The following EYS variants were observed in gnomAD, a reference collection of about 807,000 sequenced individuals.
The protein encoded by EYS is EGF-like photoreceptor maintenance factor.
In EYS, 250 loss-of-function variants were observed where a neutral mutation model predicts 282.1. The observed-to-expected ratio is 0.89, with a 90% CI of 0.80 to 0.98. The LOEUF is 0.98. Ranked by LOEUF, EYS falls within the 50% of genes least tolerant of loss-of-function variation. EYS has a pLI of 0.00. For synonymous variants in EYS, 1,355 were observed against 1,282.9 expected (o/e 1.06, Z -1.20); for missense variants, 4,016 against 3,709.0 (o/e 1.08, Z -2.15).
intron 12 of EYS, among the ~76,000 whole-genome samples, chr6:65,077,282 A>C (rs574734692): frequency 6.6e-6 from 1 of 152,142 alleles, no homozygotes; most frequent in African/African-American, 2.4e-5. Flanking sequence ...ACATGTTTTT[A>C]CTCAAAGTAT....
intron 31 of EYS, among the ~76,000 whole-genome samples, chr6:64,112,488 A>G (rs1388100263): frequency 2.0e-5 from 3 of 151,906 alleles, no homozygotes; most frequent in Non-Finnish European, 2.9e-5. Flanking sequence ...TATAAAATAT[A>G]TACACACACA....
In EYS at chr6:63,720,814, G is replaced by T. The variant is rs1287163133; in HGVS notation, c.9217C>A (p.His3073Asn). 2 of 1,550,986 alleles carry T rather than the reference G, an allele frequency of 1.3e-6. No homozygotes were observed. The highest frequency in any genetic ancestry group is 2.7e-5 in the African/African-American group (2 of 72,970). ...SLILSEDIDP[H>N]KNFVALNYDG... is the part of the protein sequence containing the mutation. Reference sequence around the variant, plus strand: ...TAGTTTAGAGCCACAAAGTTTTTATGTGGATCAATATCCTCGGAAAGAATT... The same window carrying T: ...TAGTTTAGAGCCACAAAGTTTTTATTTGGATCAATATCCTCGGAAAGAATT... Residue 3073 changes from histidine to asparagine, a missense_variant, in exon 43 of 43, where the codon CAT (histidine) becomes AAT (asparagine). Physicochemically the swap from His to Asn is moderately conservative, Grantham distance 68. Coordinates refer to ENST00000503581, the MANE Select transcript of EYS (RefSeq NM_001142800.2).
chr6:64,594,838 A>G (rs1461725196), intron 24 of EYS, among the ~76,000 whole-genome samples: 1 of 151,692 alleles, frequency 6.6e-6, no homozygotes, highest in Non-Finnish European at 1.5e-5. Flanking sequence ...CTTAAAGTAT[A>G]ATAATAATAA....
intron 41 of EYS, among the ~76,000 whole-genome samples, chr6:63,742,580 C>T (rs1769103425): frequency 6.6e-6 from 1 of 152,160 alleles, no homozygotes; most frequent in African/African-American, 2.4e-5. Context: ...TACATCCTAA[C>T]CCCTCTTCCT....
chr6:64,596,128 G>C (rs190048105), intron 24 of EYS, among the ~76,000 whole-genome samples: 118 of 152,164 alleles, frequency 7.8e-4, no homozygotes, highest in African/African-American at 2.8e-3. Context: ...AGATCTCACA[G>C]GAACTCACCA....
At position 65,677,105 on chromosome 6, in the gene EYS, G is replaced by GA. The variant is rs58880200; in HGVS notation, c.-448+30029dup. ...CCATAGCTTTATCACAGTCATTGGT[G>GA]AAAAAAAAAAAAAAAAAAAAAAGAA... On this transcript the variant is annotated intron_variant, in intron 1 of 42. Transcript: ENST00000503581. Among the ~76,000 whole-genome samples, 152 of 107,596 alleles carry GA rather than the reference G, an allele frequency of 1.4e-3. 1 individual carries two copies. The highest frequency in any genetic ancestry group is 3.6e-3 in the African/African-American group (108 of 29,910). The allele number at this position is 107,596 out of a possible 152,430, so 70.6% of individuals were successfully genotyped here. A position where few individuals can be genotyped will look rare whatever the true frequency, so the allele number is the denominator to read the frequency against.
At chr6:64,660,290 G>A (rs1379317925) in intron 22 of EYS, among the ~76,000 whole-genome samples, 1 of 151,822 alleles carries the variant, frequency 6.6e-6, no homozygotes, top group Non-Finnish European at 1.5e-5. Flanking sequence ...ATACTGAATG[G>A]GCAAAAACTG....
chr6:63,969,552 GT>G (rs1231531143), intron 35 of EYS, among the ~76,000 whole-genome samples: 3 of 152,176 alleles, frequency 2.0e-5, no homozygotes, highest in African/African-American at 7.2e-5. Context: ...ACCTCAAGCA[GT>G]ACTATTAGGA....
At chr6:64,058,380 T>C (rs887499992) in intron 33 of EYS, among the ~76,000 whole-genome samples, 1 of 152,146 alleles carries the variant, frequency 6.6e-6, no homozygotes, top group Admixed American at 6.5e-5. Flanking sequence ...CCACTAAGAA[T>C]AGGCTTCAAA....
chr6:63,987,157 T>C (rs889997536), intron 34 of EYS, among the ~76,000 whole-genome samples: 4 of 151,740 alleles, frequency 2.6e-5, no homozygotes, highest in African/African-American at 9.7e-5. Context: ...AGCCACCACA[T>C]TGGAAACTAA....
intron 29 of EYS, among the ~76,000 whole-genome samples, chr6:64,321,106 T>C (rs1172414824): frequency 6.6e-6 from 1 of 151,794 alleles, no homozygotes; most frequent in African/African-American, 2.4e-5. Context: ...TATTACCTTT[T>C]AAATTTAACA....
chr6:64,167,606 C>T (rs989531470), intron 31 of EYS, among the ~76,000 whole-genome samples: 1 of 151,974 alleles, frequency 6.6e-6, no homozygotes, highest in Non-Finnish European at 1.5e-5. Flanking sequence ...TTCTGACTTA[C>T]AGGTAATGCA....
chr6:64,125,496 G>A (rs891122117), intron 31 of EYS, among the ~76,000 whole-genome samples: 2 of 151,782 alleles, frequency 1.3e-5, no homozygotes, highest in African/African-American at 4.8e-5. Flanking sequence ...GTCGTCAACT[G>A]TCGGCCGGGC....
intron 28 of EYS, among the ~76,000 whole-genome samples, chr6:64,405,580 C>A (rs1773680276): frequency 6.6e-6 from 1 of 152,086 alleles, no homozygotes; most frequent in Admixed American, 6.6e-5. Flanking sequence ...TAGAAAACGC[C>A]ATCATCTCAG....
intron 36 of EYS, among the ~76,000 whole-genome samples, chr6:63,853,133 G>A (rs1772303013): frequency 6.6e-6 from 1 of 152,058 alleles, no homozygotes; most frequent in African/African-American, 2.4e-5. Flanking sequence ...CTCTGGCCAG[G>A]GCAATAAGGC....
chr6:64,168,347 T>C (rs1056418582), intron 31 of EYS, among the ~76,000 whole-genome samples: 2 of 152,214 alleles, frequency 1.3e-5, no homozygotes, highest in Non-Finnish European at 2.9e-5. Context: ...ACATTTCTTA[T>C]TGAATGCACA....
At chr6:64,148,220 ATGTG>A (rs1287249621) in intron 31 of EYS, among the ~76,000 whole-genome samples, 1 of 152,132 alleles carries the variant, frequency 6.6e-6, no homozygotes, top group East Asian at 1.9e-4. Flanking sequence ...ATATATGTAT[ATGTG>A]TATGTTTTGA....
intron 13 of EYS, among the ~76,000 whole-genome samples, chr6:65,052,398 C>T (rs1211580195): frequency 6.6e-6 from 1 of 151,446 alleles, no homozygotes; most frequent in Non-Finnish European, 1.5e-5. Context: ...TATATCAAGA[C>T]AAATTTATAC....
At chr6:65,035,504 A>G (rs1360528219) in intron 13 of EYS, among the ~76,000 whole-genome samples, 23 of 152,158 alleles carry the variant, frequency 1.5e-4, no homozygotes, top group Admixed American at 1.5e-3. Flanking sequence ...TACAAAATCA[A>G]TGTACAAAAA....
Sources: allele counts gnomAD v4.1 joint callset (sites outside exome capture counted in the v4.1 genomes callset), GRCh38; gene constraint gnomAD v4.1.1; transcripts MANE v1.5; gene names NCBI Gene and HGNC (gene_info 2026-07-23, HGNC 2026-07-21).